The following DNAH11 variants were observed in gnomAD, a reference collection of about 807,000 sequenced individuals.
DNAH11 encodes axonemal beta dynein heavy chain 11.
A neutral mutation model predicts 526.0 loss-of-function variants in DNAH11; 442 were observed. That is an observed-to-expected ratio of 0.84 (90% CI 0.78 to 0.91). The LOEUF (loss-of-function observed/expected upper bound fraction) is 0.91, where lower values mean the gene tolerates loss of function less well. Ranked by LOEUF, DNAH11 falls within the 40% of genes least tolerant of loss-of-function variation. DNAH11 has a pLI of 0.00. For synonymous variants in DNAH11, 2,461 were observed against 1,935.9 expected, an observed-to-expected ratio of 1.27 and a Z score of -7.12; for missense variants, 6,989 against 5,448.7, an observed-to-expected ratio of 1.28 and a Z score of -8.90.
Position 21,720,809 on chromosome 7 carries a change from G to T in DNAH11, c.7219G>T (p.Val2407Leu). Residue 2407 changes from valine (V) to leucine (L), a missense_variant, in exon 44 of 82, where the codon GTA becomes TTA. Coordinates refer to ENST00000409508, the MANE Select transcript of DNAH11 (RefSeq NM_001277115.2). Reference sequence around the variant, plus strand: ...AAAAGAAGTTTATGAAGTCTATTTTGTATTTGCTTGTATCTGGGCTTTTGG... The same window carrying T: ...AAAAGAAGTTTATGAAGTCTATTTTTTATTTGCTTGTATCTGGGCTTTTGG... ...SPKEVYEVYF[V>L]FACIWAFGGT... 6.2e-7 allele frequency: 1 copy of T among 1,612,336 alleles called. No individual in the cohort carries two copies.
intron 30 of DNAH11, among the ~76,000 whole-genome samples, chr7:21,661,539 T>C (rs1782243040): frequency 1.3e-5 from 2 of 152,134 alleles, no homozygotes; most frequent in Non-Finnish European, 2.9e-5. Flanking sequence ...TATTTTTCCA[T>C]TGTAAGCTAT....
intron 62 of DNAH11, among the ~76,000 whole-genome samples, chr7:21,805,262 C>A (rs6461602): frequency 0.44 from 67,342 of 152,072 alleles, 16,124 homozygotes; most frequent in East Asian, 0.75. Context: ...ACGTAGTTGT[C>A]CGTGTATGCA....
chr7:21,556,388 G>A (rs67449539), intron 2 of DNAH11, among the ~76,000 whole-genome samples: 37,938 of 152,120 alleles, frequency 0.25, 5,166 homozygotes, highest in East Asian at 0.55. Flanking sequence ...TACCCAGTAC[G>A]TTAGAAATGT....
intron 42 of DNAH11, among the ~76,000 whole-genome samples, chr7:21,717,452 A>T (rs1288694715): frequency 6.6e-6 from 1 of 152,180 alleles, no homozygotes; most frequent in East Asian, 1.9e-4. Flanking sequence ...ACACTATGGG[A>T]ATAGTTTCAG....
intron 66 of DNAH11, among the ~76,000 whole-genome samples, chr7:21,844,274 A>G (rs1321194441): frequency 4.6e-5 from 7 of 152,130 alleles, no homozygotes; most frequent in Admixed American, 3.9e-4. Flanking sequence ...AAAATACAAA[A>G]AATTAGCCAA....
At chr7:21,882,953 A>C (rs1308871296) in intron 75 of DNAH11, among the ~76,000 whole-genome samples, 1 of 152,260 alleles carries the variant, frequency 6.6e-6, no homozygotes, top group Non-Finnish European at 1.5e-5. Flanking sequence ...GCATCGATTA[A>C]ATGTAAGCAG....
At chr7:21,739,720 T>C (rs745327526) in intron 48 of DNAH11, 47 bp downstream of exon 48, 1 of 1,436,176 alleles carries the variant, frequency 7.0e-7, no homozygotes, top group Admixed American at 1.9e-5. Flanking sequence ...CTGTATTGTA[T>C]TGTTTTCGAG....
Position 21,601,000 on chromosome 7 carries a change from C to G in DNAH11, c.3256-10C>G, listed in dbSNP as rs17745898. 0.14 allele frequency: 226,324 copies of G among 1,610,006 alleles called. 17,377 individuals are homozygous for G. Among genetic ancestry groups the G allele is most frequent in the Middle Eastern group, 0.17 (998 of 6,040 alleles). ...CTGAGTTGTTCTAATTAATCTTTTT[C>G]TCACTACAGATTGACATTTATGAAG... On this transcript the variant is annotated splice_polypyrimidine_tract_variant and intron_variant, in intron 16 of 81. Coordinates refer to ENST00000409508, the MANE Select transcript of DNAH11 (RefSeq NM_001277115.2).
intron 2 of DNAH11, among the ~76,000 whole-genome samples, chr7:21,550,546 C>G (rs1782983171): frequency 6.7e-6 from 1 of 149,428 alleles, no homozygotes; most frequent in Admixed American, 6.6e-5. Flanking sequence ...TACTGGGAGA[C>G]ATTTGGTTCA....
At chr7:21,707,595 T>C in intron 39 of DNAH11, 104 bp from the exon 40 acceptor site, 2 of 1,377,856 alleles carry the variant, frequency 1.5e-6, no homozygotes, top group African/African-American at 1.5e-5. Flanking sequence ...ACACACAGCA[T>C]CTAGGAACAT....
Position 21,658,971 on chromosome 7 carries a change from A to G in DNAH11, c.5268A>G (p.Ile1756Met). 1.2e-6 allele frequency: 2 copies of G among 1,610,482 alleles called. No individual in the cohort carries two copies. The highest frequency in any genetic ancestry group is 1.7e-6 in the Non-Finnish European group (2 of 1,178,424). ...SQIWWTTDVG[I>M]AFSRLEEGYE... ...TATGGTGGACCACAGATGTAGGAAT[A>G]GCCTTCAGTAGACTGGAAGAAGGCT... Residue 1756 changes from isoleucine to methionine, a missense_variant, in exon 30 of 82, where the codon ATA becomes ATG. Coordinates refer to ENST00000409508, the MANE Select transcript of DNAH11 (RefSeq NM_001277115.2).
intron 66 of DNAH11, among the ~76,000 whole-genome samples, chr7:21,843,584 G>T (rs1022779590): frequency 6.6e-6 from 1 of 151,460 alleles, no homozygotes; most frequent in East Asian, 1.9e-4. Context: ...GGGTTCAAGC[G>T]ATTCTTCTGC....
rs771922651 is a variant in DNAH11 at position 21,687,386 on chromosome 7, T to C, written c.5783T>C (p.Ile1928Thr). 13 of 1,609,406 alleles carry C rather than the reference T, an allele frequency of 8.1e-6. No individual in the cohort carries two copies. Among genetic ancestry groups the C allele is most frequent in the South Asian group, 2.2e-5 (2 of 90,166 alleles). ...NCSEQMDYKS[I>T]GNIYKGLVQT... ...GTGCCTCACTTTATCATTTAGTCCA[T>C]AGGCAATATCTATAAGGGATTGGTG... is the stretch of plus-strand genomic sequence containing the variant. Residue 1928 changes from isoleucine to threonine, a missense_variant, in exon 34 of 82, where the codon ATA becomes ACA. By Grantham distance (89) the Ile-to-Thr change is moderately conservative (BLOSUM62 -1). Transcript: ENST00000409508.
At position 21,588,564 on chromosome 7, in the gene DNAH11, A is replaced by T. The variant is rs575221219; in HGVS notation, c.1901A>T (p.Asn634Ile). 4.3e-6 allele frequency: 7 copies of T among 1,613,632 alleles called. No individual in the cohort carries two copies. The Admixed American group carries it at 1.0e-4, about 23-fold the overall frequency. The change falls in exon 11 of 82, where the codon AAT becomes ATT. Residue 634 changes from asparagine to isoleucine, a missense_variant. Physicochemically the swap from Asn to Ile is moderately radical, Grantham distance 149 (BLOSUM62 -3). Transcript: ENST00000409508. ...AAGAACATGCCATTTACCTCAGGAAATATGAAATGGGCCCAGCAGGTTCTC... is the reference window on the plus strand; with the variant it reads ...AAGAACATGCCATTTACCTCAGGAATTATGAAATGGGCCCAGCAGGTTCTC... ...LNKNMPFTSG[N>I]MKWAQQVLQR...
chr7:21,825,196 A>G (rs558363098), intron 65 of DNAH11, among the ~76,000 whole-genome samples: 6 of 152,298 alleles, frequency 3.9e-5, no homozygotes, highest in African/African-American at 1.4e-4. Flanking sequence ...CAATGATATG[A>G]CTGACTATTC....
intron 43 of DNAH11, among the ~76,000 whole-genome samples, chr7:21,720,457 G>C (rs1490071527): frequency 3.3e-5 from 5 of 149,398 alleles, no homozygotes; most frequent in Non-Finnish European, 5.9e-5. Context: ...GTGTGATTTT[G>C]GTTTGTATAC....
Position 21,862,018 on chromosome 7 carries a change from T to C in DNAH11, c.11368T>C (p.Phe3790Leu). ...DKLTFLSQMA[F>L]QILLRKKEID... Reference sequence around the variant, plus strand: ...GCTCACCTTCCTGTCCCAGATGGCTTTTCAGGTAAGGAGATCAGTTACTTG... The same window carrying C: ...GCTCACCTTCCTGTCCCAGATGGCTCTTCAGGTAAGGAGATCAGTTACTTG... Residue 3790 changes from phenylalanine (F) to leucine (L), a missense_variant, in exon 69 of 82, where the codon TTT becomes CTT. Phe to Leu is a conservative substitution (Grantham distance 22). Coordinates refer to ENST00000409508, the MANE Select transcript of DNAH11 (RefSeq NM_001277115.2). 6.2e-7 allele frequency: 1 copy of C among 1,611,104 alleles called. No homozygotes were observed. Among genetic ancestry groups the C allele is most frequent in the Non-Finnish European group, 8.5e-7 (1 of 1,178,608 alleles).
At chr7:21,727,521 T>C (rs1785179747) in intron 45 of DNAH11, among the ~76,000 whole-genome samples, 1 of 152,256 alleles carries the variant, frequency 6.6e-6, no homozygotes, top group Non-Finnish European at 1.5e-5. Context: ...CTCTCTTTCT[T>C]CACTGTTTCT....
intron 65 of DNAH11, among the ~76,000 whole-genome samples, chr7:21,839,433 G>GGC (rs1257765729): frequency 6.6e-6 from 1 of 151,940 alleles, no homozygotes; most frequent in East Asian, 1.9e-4. Flanking sequence ...AAATTAGCTG[G>GGC]GTGTGGTGGT....
Sources: gnomAD v4.1 joint callset for allele counts (sites outside exome capture counted in the v4.1 genomes callset) on GRCh38, gnomAD v4.1.1 for gene constraint, MANE v1.5 for transcripts, NCBI Gene and HGNC (gene_info 2026-07-23, HGNC 2026-07-21) for gene names.